Variants in ATP2B2 observed in about 807,000 individuals in gnomAD.
ATP2B2 encodes plasma membrane calcium-transporting ATPase 2.
In ATP2B2, 15 loss-of-function variants were observed where a neutral mutation model predicts 120.0. The observed-to-expected ratio is 0.12, with a 90% CI of 0.08 to 0.19. ATP2B2 has a LOEUF of 0.19. Ranked by LOEUF, ATP2B2 falls within the 10% of genes least tolerant of loss-of-function variation. The pLI is 1.00. For synonymous variants in ATP2B2, 694 were observed against 700.3 expected (o/e 0.99, Z 0.14); for missense variants, 1,045 against 1,719.8 (o/e 0.61, Z 6.94).
chr3:10,384,851 G>C (rs985680634), intron 8 of ATP2B2, among the ~76,000 whole-genome samples: 2 of 152,218 alleles, frequency 1.3e-5, no homozygotes, highest in African/African-American at 2.4e-5. Context: ...TCGAGGACTA[G>C]AGCCTTTGCT....
intron 2 of ATP2B2, among the ~76,000 whole-genome samples, chr3:10,421,850 A>G (rs899319090): frequency 1.3e-5 from 2 of 152,144 alleles, no homozygotes; most frequent in African/African-American, 4.8e-5. Flanking sequence ...CCCTCTGTCG[A>G]CTTATTTAGT....
chr3:10,615,058 C>A (rs1293679570), intron 2 of ATP2B2, among the ~76,000 whole-genome samples: 3 of 152,138 alleles, frequency 2.0e-5, no homozygotes, highest in African/African-American at 7.2e-5. Flanking sequence ...GGAAGCTGAG[C>A]ATCACTTGGA....
At chr3:10,655,880 CCTT>C (rs954501112) in intron 1 of ATP2B2, among the ~76,000 whole-genome samples, 22 of 152,218 alleles carry the variant, frequency 1.4e-4, no homozygotes, top group African/African-American at 5.3e-4. Flanking sequence ...CGTGCCTCCT[CCTT>C]CTTCATCGAT....
intron 2 of ATP2B2, among the ~76,000 whole-genome samples, chr3:10,539,256 A>G (rs1175589308): frequency 6.6e-6 from 1 of 152,240 alleles, no homozygotes; most frequent in Non-Finnish European, 1.5e-5. Context: ...TTCCATGCTC[A>G]TGGATAGGAA....
At chr3:10,404,225 C>T (rs1475341630) in intron 3 of ATP2B2, among the ~76,000 whole-genome samples, 1 of 152,208 alleles carries the variant, frequency 6.6e-6, no homozygotes, top group Non-Finnish European at 1.5e-5. Flanking sequence ...CCAGCCGTTC[C>T]CTTCGGGCCA....
intron 1 of ATP2B2, among the ~76,000 whole-genome samples, chr3:10,652,169 C>T (rs2070484807): frequency 6.6e-6 from 1 of 152,110 alleles, no homozygotes; most frequent in Non-Finnish European, 1.5e-5. Context: ...CCAGATGTGG[C>T]CTGGCTGGTA....
intron 2 of ATP2B2, among the ~76,000 whole-genome samples, chr3:10,445,063 C>T (rs1026073785): frequency 3.9e-5 from 6 of 152,200 alleles, no homozygotes; most frequent in African/African-American, 7.2e-5. Flanking sequence ...CATTGGGCAC[C>T]GCCAGTGTCT....
intron 1 of ATP2B2, among the ~76,000 whole-genome samples, chr3:10,692,923 C>A (rs2071690583): frequency 6.6e-6 from 1 of 152,176 alleles, no homozygotes; most frequent in African/African-American, 2.4e-5. Context: ...TACTCACTGG[C>A]AGCCCTGGAT....
intron 2 of ATP2B2, among the ~76,000 whole-genome samples, chr3:10,611,715 G>A (rs1038077334): frequency 2.0e-5 from 3 of 152,068 alleles, no homozygotes; most frequent in Non-Finnish European, 2.9e-5. Flanking sequence ...TCGCCCTACC[G>A]AACTTTGCCT....
intron 1 of ATP2B2, among the ~76,000 whole-genome samples, chr3:10,654,957 T>C (rs941972916): frequency 2.0e-5 from 3 of 152,090 alleles, no homozygotes; most frequent in African/African-American, 7.2e-5. Flanking sequence ...ATCACTATTG[T>C]AGGGGCTGTC....
intron 2 of ATP2B2, among the ~76,000 whole-genome samples, chr3:10,441,303 G>C (rs542062515): frequency 1.3e-5 from 2 of 152,238 alleles, no homozygotes; most frequent in Admixed American, 6.5e-5. Flanking sequence ...CACCCAGGCT[G>C]ATCTCGGCTC....
chr3:10,567,605 G>T (rs1190555646), intron 2 of ATP2B2, among the ~76,000 whole-genome samples: 5 of 152,222 alleles, frequency 3.3e-5, no homozygotes, highest in Non-Finnish European at 7.3e-5. Flanking sequence ...CAAGATCATT[G>T]TGAAAATTTC....
intron 1 of ATP2B2, among the ~76,000 whole-genome samples, chr3:10,659,725 C>A (rs563975802): frequency 1.8e-4 from 28 of 152,214 alleles, no homozygotes; most frequent in Non-Finnish European, 2.9e-4. Context: ...GAATTGAATT[C>A]AGCTCTGCAC....
Position 10,328,641 on chromosome 3 carries a change from C to T in ATP2B2, c.*173G>A, listed in dbSNP as rs572051257. The T allele has an allele frequency of 7.4e-4, 503 of 682,984 alleles. 1 individual carries two copies. Among genetic ancestry groups the T allele is most frequent in the Middle Eastern group, 4.9e-3 (12 of 2,456 alleles). The allele number at this position is 682,984 out of a possible 1,614,324, so 42.3% of individuals were successfully genotyped here. On this transcript the variant is annotated 3_prime_UTR_variant, in exon 23 of 23. Transcript: ENST00000360273. ...AAGTGAAAAAGAGTTCAAACAGCAT[C>T]GCAGCCAGAGAAAGGGTCTGTGGGT... is the stretch of plus-strand genomic sequence containing the variant.
chr3:10,394,825 G>A (rs2061981343), intron 5 of ATP2B2, among the ~76,000 whole-genome samples: 2 of 152,044 alleles, frequency 1.3e-5, no homozygotes, highest in Non-Finnish European at 2.9e-5. Context: ...GCCTGCTGGA[G>A]CCAGGCCTTG....
chr3:10,348,868 G>A (rs889883503), intron 16 of ATP2B2, among the ~76,000 whole-genome samples: 4 of 152,224 alleles, frequency 2.6e-5, no homozygotes, highest in African/African-American at 9.6e-5. Context: ...CAGGACCTCA[G>A]TAAACAGTTA....
At chr3:10,524,609 C>G (rs2067053057) in intron 3 of ATP2B2, among the ~76,000 whole-genome samples, 1 of 152,218 alleles carries the variant, frequency 6.6e-6, no homozygotes. Flanking sequence ...AATATGACAA[C>G]TAATTCATCA....
chr3:10,435,079 C>T (rs980751257), intron 2 of ATP2B2, among the ~76,000 whole-genome samples: 3 of 152,216 alleles, frequency 2.0e-5, no homozygotes, highest in Non-Finnish European at 2.9e-5. Context: ...TCCAGGCCTG[C>T]CTTTCACAGC....
At chr3:10,589,540 G>T (rs947522768) in intron 2 of ATP2B2, among the ~76,000 whole-genome samples, 2 of 152,202 alleles carry the variant, frequency 1.3e-5, no homozygotes, top group Non-Finnish European at 2.9e-5. Flanking sequence ...GTGGGACAGG[G>T]TCTGCTTTGG....
Sources: gnomAD v4.1 joint callset for allele counts (sites outside exome capture counted in the v4.1 genomes callset) on GRCh38, gnomAD v4.1.1 for gene constraint, MANE v1.5 for transcripts, NCBI Gene and HGNC (gene_info 2026-07-23, HGNC 2026-07-21) for gene names.